The following AOPEP variants were observed in gnomAD, a reference collection of about 807,000 sequenced individuals.
The protein encoded by AOPEP is aminopeptidase O (putative).
Under a neutral mutation model 98.1 loss-of-function variants are expected in AOPEP, and 77 were observed. The observed-to-expected ratio is 0.78, with a 90% CI of 0.65 to 0.95. The LOEUF (loss-of-function observed/expected upper bound fraction) is 0.95. Among genes scored for constraint, AOPEP ranks in the 40% least tolerant of loss-of-function variants. The probability of loss-of-function intolerance (pLI) is 0.00; values close to 1 mark genes in which losing one functional copy is unlikely to be tolerated. For missense variants in AOPEP, 1,024 were observed against 1,024.7 expected (o/e 1.00, Z 0.01); for synonymous variants, 346 against 365.3 (o/e 0.95, Z 0.60).
At chr9:95,069,538 G>A (rs900825846) in intron 14 of AOPEP, among the ~76,000 whole-genome samples, 4 of 150,862 alleles carry the variant, frequency 2.7e-5, no homozygotes, top group Non-Finnish European at 4.4e-5. Context: ...GGGCTCCCAC[G>A]TTGTACTTTT....
chr9:94,965,578 C>T (rs1015747844), intron 9 of AOPEP, among the ~76,000 whole-genome samples: 3 of 152,360 alleles, frequency 2.0e-5, no homozygotes, highest in East Asian at 1.9e-4. Context: ...TGTTCTGTAA[C>T]GTGAAGATCT....
intron 5 of AOPEP, among the ~76,000 whole-genome samples, chr9:94,891,026 T>C (rs916817782): frequency 2.0e-5 from 3 of 152,254 alleles, no homozygotes; most frequent in African/African-American, 7.2e-5. Context: ...TATGAATTGC[T>C]GAAAGCAGGG....
Position 94,914,523 on chromosome 9 carries a change from C to CGTGTGTGTGTGTGTGTGT in AOPEP, c.1365-9442_1365-9425dup, listed in dbSNP as rs67826706. On this transcript the variant is annotated intron_variant, in intron 5 of 16. Coordinates refer to ENST00000375315, the MANE Select transcript of AOPEP (RefSeq NM_001193329.3). ...TAAAATATTGCCCTTTGGCATTAGA[C>CGTGTGTGTGTGTGTGTGT]GTGTGTGTGTGTGTGTGTGTGTGTG... 2.0e-3 allele frequency among the ~76,000 whole-genome samples: 294 copies of CGTGTGTGTGTGTGTGTGT among 143,684 alleles called. 2 individuals carry two copies. Among genetic ancestry groups the CGTGTGTGTGTGTGTGTGT allele is most frequent in the African/African-American group, 3.6e-3 (137 of 38,246 alleles). The allele number at this position is 143,684 out of a possible 152,430, so 94.3% of individuals were successfully genotyped here.
At chr9:94,942,182 T>C (rs892179510) in intron 7 of AOPEP, among the ~76,000 whole-genome samples, 2 of 152,242 alleles carry the variant, frequency 1.3e-5, no homozygotes, top group Non-Finnish European at 2.9e-5. Context: ...GGATATCTTA[T>C]GCACTCAGCC....
intron 2 of AOPEP, among the ~76,000 whole-genome samples, chr9:94,770,936 C>A (rs1840726092): frequency 6.6e-6 from 1 of 152,222 alleles, no homozygotes; most frequent in African/African-American, 2.4e-5. Context: ...CAGCTGGCTA[C>A]TTCACAGAAG....
intron 5 of AOPEP, among the ~76,000 whole-genome samples, chr9:94,834,161 C>T (rs1325628744): frequency 6.6e-6 from 1 of 152,144 alleles, no homozygotes; most frequent in African/African-American, 2.4e-5. Context: ...TACCAATTTA[C>T]AGGAAGTACA....
chr9:94,920,040 C>G (rs1032701975), intron 5 of AOPEP, among the ~76,000 whole-genome samples: 1 of 152,158 alleles, frequency 6.6e-6, no homozygotes, highest in Non-Finnish European at 1.5e-5. Flanking sequence ...GTGATCCTAG[C>G]ACTTTGGGAG....
At chr9:95,149,848 A>G in the AOPEP span, 4 of 1,489,252 alleles carry the variant, frequency 2.7e-6, no homozygotes, top group Non-Finnish European at 3.7e-6. Flanking sequence ...GCTGTCGTAC[A>G]GTCTTTCCAA....
intron 6 of AOPEP, among the ~76,000 whole-genome samples, chr9:94,928,070 T>C (rs1418545054): frequency 6.6e-6 from 1 of 152,160 alleles, no homozygotes; most frequent in Non-Finnish European, 1.5e-5. Flanking sequence ...TTCCCCATCC[T>C]GTGCAGAAAG....
At chr9:94,732,618 A>G (rs975046155) in intron 1 of AOPEP, among the ~76,000 whole-genome samples, 3 of 152,192 alleles carry the variant, frequency 2.0e-5, no homozygotes, top group African/African-American at 4.8e-5. Flanking sequence ...GATTTCTAAG[A>G]AAAAGATATT....
intron 9 of AOPEP, among the ~76,000 whole-genome samples, chr9:94,956,387 C>T (rs778560231): frequency 1.3e-5 from 2 of 152,224 alleles, no homozygotes; most frequent in Non-Finnish European, 2.9e-5. Flanking sequence ...CATCCAGGCT[C>T]ACGTGTCCCA....
chr9:94,865,278 A>G (rs1365314626), intron 5 of AOPEP, among the ~76,000 whole-genome samples: 1 of 152,240 alleles, frequency 6.6e-6, no homozygotes. Context: ...ATTTGACCAA[A>G]CGACTCTCCT....
At chr9:95,109,286 T>C in the AOPEP span, among the ~76,000 whole-genome samples, 1 of 152,210 alleles carries the variant, frequency 6.6e-6, no homozygotes. Context: ...ATTTGGCCAG[T>C]AGCCTTACTA....
intron 9 of AOPEP, among the ~76,000 whole-genome samples, chr9:94,957,946 T>C (rs1452293172): frequency 6.6e-6 from 1 of 152,242 alleles, no homozygotes; most frequent in African/African-American, 2.4e-5. Flanking sequence ...TAGCCATTTT[T>C]AAGTTCACAG....
chr9:94,738,322 T>G (rs1345593572), intron 1 of AOPEP, among the ~76,000 whole-genome samples: 1 of 152,180 alleles, frequency 6.6e-6, no homozygotes, highest in Non-Finnish European at 1.5e-5. Flanking sequence ...TGTTGCCTGC[T>G]CAGGACAACA....
intron 1 of AOPEP, among the ~76,000 whole-genome samples, chr9:94,742,649 G>A (rs1275634979): frequency 3.3e-5 from 5 of 151,968 alleles, no homozygotes; most frequent in African/African-American, 1.2e-4. Context: ...TGGCCAGGAT[G>A]GTCTTGATCT....
At chr9:94,740,676 G>A (rs1463856512) in intron 1 of AOPEP, among the ~76,000 whole-genome samples, 1 of 152,154 alleles carries the variant, frequency 6.6e-6, no homozygotes, top group Non-Finnish European at 1.5e-5. Flanking sequence ...AGAAAGTTCA[G>A]CATAGTATAA....
intron 13 of AOPEP, among the ~76,000 whole-genome samples, chr9:95,024,271 C>T (rs944002029): frequency 2.6e-5 from 4 of 152,178 alleles, no homozygotes; most frequent in African/African-American, 9.7e-5. Context: ...AGGAATGAAT[C>T]ATGAGAAAAA....
At chr9:95,114,688 G>A in the AOPEP span, 1 of 1,614,150 alleles carries the variant, frequency 6.2e-7, no homozygotes, top group Non-Finnish European at 8.5e-7. Flanking sequence ...TCAGTGTCTG[G>A]AGCCAGTGTC....
Sources: allele counts gnomAD v4.1 joint callset (sites outside exome capture counted in the v4.1 genomes callset), GRCh38; gene constraint gnomAD v4.1.1; transcripts MANE v1.5; gene names NCBI Gene and HGNC (gene_info 2026-07-23, HGNC 2026-07-21).